KIAA1217: variants seen among roughly 807,000 people sequenced by gnomAD.
The protein encoded by KIAA1217 is KIAA1217, also known as sickle tail protein homolog.
A neutral mutation model predicts 163.9 loss-of-function variants in KIAA1217; 88 were observed. The ratio of observed to expected loss-of-function variants is 0.54; its 90% CI spans 0.45 to 0.64. The LOEUF (loss-of-function observed/expected upper bound fraction) is 0.64. Among genes scored for constraint, KIAA1217 ranks in the 30% least tolerant of loss-of-function variants. KIAA1217 has a pLI of 0.00. For missense variants in KIAA1217, 2,372 were observed against 2,475.0 expected (o/e 0.96, Z 0.88); for synonymous variants, 903 against 923.1 (o/e 0.98, Z 0.39).
chr10:23,753,490 T>A (rs980981459), intron 1 of KIAA1217, among the ~76,000 whole-genome samples: 5 of 152,216 alleles, frequency 3.3e-5, no homozygotes, highest in Non-Finnish European at 7.3e-5. Context: ...GTAACTGTAA[T>A]AGTTTTATAA....
intron 1 of KIAA1217, among the ~76,000 whole-genome samples, chr10:23,809,430 G>A (rs1464062298): frequency 1.3e-5 from 2 of 151,730 alleles, no homozygotes; most frequent in African/African-American, 4.8e-5. Context: ...GTATAATTTG[G>A]GAGAGAAATA....
chr10:24,142,063 G>T (rs2064107192), intron 2 of KIAA1217, among the ~76,000 whole-genome samples: 1 of 137,280 alleles, frequency 7.3e-6, no homozygotes, highest in East Asian at 2.2e-4. Context: ...ATGTTAATGA[G>T]ATTTTTTTGT....
intron 2 of KIAA1217, among the ~76,000 whole-genome samples, chr10:24,312,897 C>T (rs1007884668): frequency 1.8e-4 from 27 of 152,112 alleles, no homozygotes; most frequent in Non-Finnish European, 3.8e-4. Context: ...GCCTAGGTGA[C>T]AGCGCACATC....
chr10:23,877,851 A>G (rs762508891), intron 1 of KIAA1217, among the ~76,000 whole-genome samples: 4 of 152,016 alleles, frequency 2.6e-5, no homozygotes, highest in Non-Finnish European at 5.9e-5. Context: ...TGTGATGCCA[A>G]CGTTCGTGAC....
intron 1 of KIAA1217, among the ~76,000 whole-genome samples, chr10:23,843,121 G>C (rs1396731267): frequency 6.6e-6 from 1 of 152,120 alleles, no homozygotes; most frequent in African/African-American, 2.4e-5. Flanking sequence ...TGGTCAAAGA[G>C]ACAAAGTTTG....
intron 1 of KIAA1217, among the ~76,000 whole-genome samples, chr10:23,710,861 C>T (rs56089620): frequency 1.4e-3 from 206 of 152,310 alleles, no homozygotes; most frequent in Non-Finnish European, 2.5e-3. Flanking sequence ...GGGTCACCAT[C>T]TATCCTTCTT....
At chr10:24,126,497 A>G (rs1479511536) in intron 2 of KIAA1217, among the ~76,000 whole-genome samples, 1 of 152,076 alleles carries the variant, frequency 6.6e-6, no homozygotes, top group Non-Finnish European at 1.5e-5. Context: ...GTTTCTGGTG[A>G]TGCAGTTCTT....
At chr10:24,379,708 A>C (rs2053025210) in intron 2 of KIAA1217, among the ~76,000 whole-genome samples, 1 of 152,152 alleles carries the variant, frequency 6.6e-6, no homozygotes, top group African/African-American at 2.4e-5. Context: ...CTGTAGCCCA[A>C]AACTCAAGGC....
rs1272682031 is a variant in KIAA1217, at chr10:24,195,144, G to A, written c.-170-24482G>A. 2.6e-5 allele frequency among the ~76,000 whole-genome samples: 4 copies of A among 152,100 alleles called. No individual in the cohort carries two copies. The South Asian group carries it at 6.2e-4, about 24-fold the overall frequency. Reference sequence around the variant, plus strand: ...ACTCTCTCTCTGGGCTGGGGAATGAGCTTTCTCCTCTTGCTCCTTCAGGCC... The same window carrying A: ...ACTCTCTCTCTGGGCTGGGGAATGAACTTTCTCCTCTTGCTCCTTCAGGCC... On this transcript the variant is annotated intron_variant, in intron 2 of 18. Coordinates refer to the KIAA1217 transcript ENST00000376462.
chr10:24,524,144 C>G (rs1312832285), intron 12 of KIAA1217, among the ~76,000 whole-genome samples, 179 bp from the exon 13 acceptor site: 1 of 152,124 alleles, frequency 6.6e-6, no homozygotes, highest in Non-Finnish European at 1.5e-5. Context: ...GATGGAGTTG[C>G]AAGGGTCTGA....
chr10:24,034,562 CA>C lies in KIAA1217; in HGVS notation c.-171+27206del, dbSNP rs773055132. ...TGGGCAATAAGATGAGACCCTGTCTCAAAAAAAAAAAAAAAAAAGTAGAAGT... is the reference window on the plus strand; with the variant it reads ...TGGGCAATAAGATGAGACCCTGTCTCAAAAAAAAAAAAAAAAAGTAGAAGT... On this transcript the variant is annotated intron_variant, in intron 2 of 18. Transcript: ENST00000376462. 9.2e-3 allele frequency among the ~76,000 whole-genome samples: 1,014 copies of C among 110,210 alleles called. 7 individuals carry two copies. Among genetic ancestry groups the C allele is most frequent in the African/African-American group, 0.033 (843 of 25,552 alleles). 72.3% of individuals were successfully genotyped at this position (110,210 alleles called of 152,430 possible). A position where few individuals can be genotyped will look rare whatever the true frequency, so the allele number is the denominator to read the frequency against.
At chr10:24,137,187 T>A (rs1354013562) in intron 2 of KIAA1217, among the ~76,000 whole-genome samples, 2 of 152,246 alleles carry the variant, frequency 1.3e-5, no homozygotes, top group African/African-American at 2.4e-5. Context: ...CATCATCATA[T>A]TGGAGACTAC....
At chr10:24,232,565 G>A (rs539042694) in intron 2 of KIAA1217, among the ~76,000 whole-genome samples, 1 of 152,240 alleles carries the variant, frequency 6.6e-6, no homozygotes, top group East Asian at 1.9e-4. Context: ...GAAAGTGGTA[G>A]TCAGCTAGAG....
intron 1 of KIAA1217, among the ~76,000 whole-genome samples, chr10:23,940,781 C>T (rs1368498780): frequency 6.6e-6 from 1 of 152,188 alleles, no homozygotes; most frequent in African/African-American, 2.4e-5. Flanking sequence ...CAATCAATTA[C>T]AGAAATATCT....
chr10:23,970,492 C>T (rs1211351275), intron 1 of KIAA1217, among the ~76,000 whole-genome samples: 1 of 152,012 alleles, frequency 6.6e-6, no homozygotes, highest in Non-Finnish European at 1.5e-5. Context: ...CGAGGTGTTG[C>T]TTGGAAGGGG....
Position 23,707,802 on chromosome 10 carries a change from G to A in KIAA1217, c.-321+12568G>A, listed in dbSNP as rs117548205. Among the ~76,000 whole-genome samples, 265 of 152,214 alleles carry A rather than the reference G, an allele frequency of 1.7e-3. 16 individuals carry two copies. In the East Asian group the frequency reaches 0.043, roughly 25 times the overall value. ...TTCACCAGTTTTATTTTGGTTTCAG[G>A]TTTTCCTTCAAGAAGGAAATGTCAT... On this transcript the variant is annotated intron_variant, in intron 1 of 18. Transcript: ENST00000376462.
intron 8 of KIAA1217, among the ~76,000 whole-genome samples, chr10:24,500,698 G>C (rs1471086393): frequency 6.6e-6 from 1 of 152,068 alleles, no homozygotes; most frequent in Admixed American, 6.6e-5. Flanking sequence ...GCAGAAAATA[G>C]GCACATAAGC....
intron 1 of KIAA1217, among the ~76,000 whole-genome samples, chr10:23,992,774 C>T (rs1385021348): frequency 6.6e-6 from 1 of 151,618 alleles, no homozygotes; most frequent in Non-Finnish European, 1.5e-5. Flanking sequence ...AGGAGAGTTT[C>T]TGTGTTGTGA....
chr10:23,957,048 C>G (rs149373413), intron 1 of KIAA1217, among the ~76,000 whole-genome samples: 1 of 152,158 alleles, frequency 6.6e-6, no homozygotes, highest in Admixed American at 6.5e-5. Flanking sequence ...TCACCAGGCT[C>G]CCCATGCCAT....
Sources: gnomAD v4.1 joint callset for allele counts (sites outside exome capture counted in the v4.1 genomes callset) on GRCh38, gnomAD v4.1.1 for gene constraint, MANE v1.5 for transcripts, NCBI Gene and HGNC (gene_info 2026-07-23, HGNC 2026-07-21) for gene names.